Variants in TENM2 observed in about 807,000 individuals in gnomAD.
The protein encoded by TENM2 is teneurin-2.
In TENM2, 52 loss-of-function variants were observed where a neutral mutation model predicts 245.2. The ratio of observed to expected loss-of-function variants is 0.21; its 90% confidence interval spans 0.17 to 0.27. The LOEUF is 0.27. TENM2 is among the 10% of genes least tolerant of loss of function. The pLI, the probability that TENM2 is intolerant of heterozygous loss-of-function variation, is 1.00. For missense variants in TENM2, 3,046 were observed against 3,666.8 expected (o/e 0.83, Z 4.37); for synonymous variants, 1,363 against 1,438.9 (o/e 0.95, Z 1.19).
the TENM2 span, among the ~76,000 whole-genome samples, chr5:167,279,734 T>C: frequency 3.3e-5 from 5 of 152,162 alleles, no homozygotes; most frequent in East Asian, 9.7e-4. Context: ...TTCACTGGGG[T>C]CTTCTTTACA....
chr5:167,009,577 CA>C, the TENM2 span, among the ~76,000 whole-genome samples: 2 of 152,170 alleles, frequency 1.3e-5, no homozygotes, highest in African/African-American at 4.8e-5. Flanking sequence ...GGCATGGTCC[CA>C]GGTTTATGGA....
chr5:167,020,758 T>C, the TENM2 span, among the ~76,000 whole-genome samples: 1 of 152,186 alleles, frequency 6.6e-6, no homozygotes, highest in Non-Finnish European at 1.5e-5. Flanking sequence ...AGATGAAAAG[T>C]GGTATATATC....
chr5:167,569,412 T>C (rs1323228085), intron 2 of TENM2, among the ~76,000 whole-genome samples: 1 of 152,082 alleles, frequency 6.6e-6, no homozygotes, highest in African/African-American at 2.4e-5. Context: ...AATTTAAACA[T>C]ATATGGAAGA....
At chr5:167,384,966 C>T (rs1192682903) in intron 2 of TENM2, among the ~76,000 whole-genome samples, 4 of 152,152 alleles carry the variant, frequency 2.6e-5, no homozygotes, top group African/African-American at 9.7e-5. Flanking sequence ...AGGTACATAA[C>T]CCCACACTCC....
At chr5:167,085,925 T>C in the TENM2 span, among the ~76,000 whole-genome samples, 8 of 152,196 alleles carry the variant, frequency 5.3e-5, no homozygotes, top group African/African-American at 1.2e-4. Flanking sequence ...TACTCTTGTA[T>C]TGATCACTAT....
chr5:168,175,896 A>T (rs895310419), intron 13 of TENM2, among the ~76,000 whole-genome samples: 17 of 152,142 alleles, frequency 1.1e-4, no homozygotes, highest in African/African-American at 3.9e-4. Flanking sequence ...GGGGTCCATC[A>T]CTCAAAGTCT....
chr5:168,161,456 G>A (rs191195091), intron 12 of TENM2, among the ~76,000 whole-genome samples: 138 of 152,174 alleles, frequency 9.1e-4, no homozygotes, highest in Non-Finnish European at 1.4e-3. Flanking sequence ...AGAAGTCATC[G>A]CATTGTACAC....
chr5:167,620,549 C>CTTTTTT (rs11455974), intron 2 of TENM2, among the ~76,000 whole-genome samples: 8 of 73,332 alleles, frequency 1.1e-4, no homozygotes, highest in East Asian at 4.8e-4. Flanking sequence ...TGCTTTTTGG[C>CTTTTTT]TTTTTTTTTT....
At chr5:167,795,930 A>G (rs1357918701) in intron 2 of TENM2, among the ~76,000 whole-genome samples, 2 of 152,240 alleles carry the variant, frequency 1.3e-5, no homozygotes, top group African/African-American at 2.4e-5. Flanking sequence ...AGATACCTCT[A>G]TGAGTAAGAA....
chr5:168,062,233 A>G lies in TENM2; in HGVS notation c.1483A>G (p.Ile495Val), dbSNP rs757648127. The G allele has an allele frequency of 6.7e-5, 108 of 1,613,910 alleles. No individual in the cohort carries two copies. The highest frequency in any genetic ancestry group is 8.0e-5 in the Non-Finnish European group (94 of 1,179,824). ...GAAGGACGCTCTCTTTGGTGTTTAC[A>G]TAAGAAGAGGACTTCCACCATCTCA... Residue 495 changes from isoleucine (I) to valine (V), a missense_variant, in exon 7 of 29, where the codon ATA (isoleucine) becomes GTA (valine). Physicochemically the swap from Ile to Val is conservative, Grantham distance 29. Coordinates refer to ENST00000518659, the Ensembl canonical transcript of TENM2.
At chr5:167,366,084 G>A (rs1760033649) in intron 1 of TENM2, among the ~76,000 whole-genome samples, 1 of 100,206 alleles carries the variant, frequency 1.0e-5, no homozygotes, top group African/African-American at 3.9e-5. Context: ...CAGAAAAACA[G>A]AATTTTTTTT....
intron 2 of TENM2, among the ~76,000 whole-genome samples, chr5:167,474,766 T>C (rs971438154): frequency 6.6e-6 from 1 of 152,202 alleles, no homozygotes; most frequent in African/African-American, 2.4e-5. Flanking sequence ...TCCGCTCGCC[T>C]CAGCCTCCCA....
chr5:167,597,252 C>T (rs756933785), intron 2 of TENM2, among the ~76,000 whole-genome samples: 2 of 150,778 alleles, frequency 1.3e-5, no homozygotes, highest in Admixed American at 6.6e-5. Flanking sequence ...GCAATCTCCA[C>T]CTCCTAGTTT....
At chr5:168,049,362 C>T (rs1289233168) in intron 6 of TENM2, among the ~76,000 whole-genome samples, 1 of 152,174 alleles carries the variant, frequency 6.6e-6, no homozygotes, top group African/African-American at 2.4e-5. Flanking sequence ...CAGAAGAATG[C>T]ATAACACACA....
chr5:167,746,710 A>AGAGAGAGAGAGAGAGAGC lies in TENM2; in HGVS notation c.503-129271_503-129270insAGAGAGAGAGAGCGAGAG, dbSNP rs761614775. Among the ~76,000 whole-genome samples the AGAGAGAGAGAGAGAGAGC allele has an allele frequency of 2.8e-3, 401 of 144,914 alleles. 4 individuals carry two copies. The highest frequency in any genetic ancestry group is 5.3e-3 in the South Asian group (24 of 4,492). On this transcript the variant is annotated intron_variant, in intron 2 of 28. Transcript: ENST00000518659. Reference sequence around the variant, plus strand: ...GAGAGAGAGAGAGAGAGAGAGAGAGAGAGAGCTGGACTCTACACAATTAGT... The same window carrying AGAGAGAGAGAGAGAGAGC: ...GAGAGAGAGAGAGAGAGAGAGAGAGAGAGAGAGAGAGAGAGAGCGAGAGCTGGACTCTACACAATTAGT...
chr5:168,025,675 G>A (rs1786552054), intron 5 of TENM2, among the ~76,000 whole-genome samples: 1 of 152,198 alleles, frequency 6.6e-6, no homozygotes, highest in South Asian at 2.1e-4. Context: ...ACACAACTGT[G>A]TGGTTCAGGT....
chr5:167,488,822 T>C (rs6555757), intron 2 of TENM2, among the ~76,000 whole-genome samples: 143,674 of 152,194 alleles, frequency 0.94, 68,093 homozygotes, highest in Non-Finnish European at 0.99. Flanking sequence ...CTTGACATGT[T>C]CAAAATGGAA....
At chr5:167,356,591 C>T (rs1759349443) in intron 1 of TENM2, among the ~76,000 whole-genome samples, 1 of 152,198 alleles carries the variant, frequency 6.6e-6, no homozygotes, top group Non-Finnish European at 1.5e-5. Flanking sequence ...GTTGCTTCAC[C>T]TCTGATAATG....
At chr5:168,038,313 C>A in intron 5 of TENM2, among the ~76,000 whole-genome samples, 1 of 152,166 alleles carries the variant, frequency 6.6e-6, no homozygotes, top group East Asian at 1.9e-4. Context: ...TGAGATGTTT[C>A]TTGAGTGCCT....
Sources: allele counts gnomAD v4.1 joint callset (sites outside exome capture counted in the v4.1 genomes callset), GRCh38; gene constraint gnomAD v4.1.1; transcripts MANE v1.5; gene names NCBI Gene and HGNC (gene_info 2026-07-23, HGNC 2026-07-21).